Variants in ZNF451 observed in about 807,000 individuals in gnomAD.
ZNF451 encodes E3 SUMO-protein ligase ZNF451.
A neutral mutation model predicts 107.1 loss-of-function variants in ZNF451; 80 were observed. The ratio of observed to expected loss-of-function variants is 0.75; its 90% confidence interval spans 0.62 to 0.90. The LOEUF is 0.90. Ranked by LOEUF, ZNF451 falls within the 40% of genes least tolerant of loss-of-function variation. ZNF451 has a pLI of 0.00. For synonymous variants in ZNF451, 362 were observed against 406.5 expected (o/e 0.89, Z 1.32); for missense variants, 1,107 against 1,236.2 (o/e 0.90, Z 1.57).
intron 3 of ZNF451, chr6:57,106,097 A>C: frequency 4.1e-6 from 4 of 985,406 alleles, no homozygotes; most frequent in Non-Finnish European, 4.8e-6. Context: ...GACCTGATAC[A>C]TCCAGGATAA....
intron 2 of ZNF451, among the ~76,000 whole-genome samples, chr6:57,093,532 C>T (rs1239785887): frequency 2.0e-5 from 3 of 152,142 alleles, no homozygotes; most frequent in Non-Finnish European, 4.4e-5. Context: ...ATACATCCTA[C>T]CCTTAAGGGT....
intron 7 of ZNF451, among the ~76,000 whole-genome samples, chr6:57,136,565 G>T (rs973215464): frequency 4.6e-5 from 7 of 152,122 alleles, no homozygotes; most frequent in African/African-American, 1.7e-4. Flanking sequence ...CATGACAAAT[G>T]GAAGATTTGG....
At position 57,154,019 on chromosome 6, in the gene ZNF451, G is replaced by A. The variant is rs1317399885; in HGVS notation, c.3042G>A (p.Leu1014=). The A allele has an allele frequency of 2.5e-6, 4 of 1,614,144 alleles. No homozygotes were observed. In the South Asian group the frequency reaches 4.4e-5, roughly 18 times the overall value. ...TAGAGGGAGATATGATGTGTGCCTT[G>A]TTAAATAGCATATCTGATACCACCA... ...HHLEGDMMCA[L]LNSISDTTKE... is the part of the protein sequence containing the mutation. Residue 1014 remains leucine (L), a synonymous_variant, in exon 13 of 15, where the codon TTG becomes TTA. Coordinates refer to ENST00000370706, the MANE Select transcript of ZNF451 (RefSeq NM_001031623.3).
rs1314447094 is a variant in ZNF451, at chr6:57,147,162, A to AT, written c.1079dup (p.Leu360PhefsTer15). On this transcript the variant is annotated frameshift_variant, in exon 10 of 15. Coordinates refer to ENST00000370706, the MANE Select transcript of ZNF451 (RefSeq NM_001031623.3). LOFTEE classifies it high-confidence loss of function. Reference sequence around the variant, plus strand: ...TTACCCAGGTTGCAGAGAAATTCATATTAAGAGGTTATTGTCCAGATTGCA... The same window carrying AT: ...TTACCCAGGTTGCAGAGAAATTCATATTTAAGAGGTTATTGTCCAGATTGCA... 1 of 1,614,098 alleles carries AT rather than the reference A, an allele frequency of 6.2e-7. No homozygotes were observed. Among genetic ancestry groups the AT allele is most frequent in the Admixed American group, 1.7e-5 (1 of 60,022 alleles).
intron 3 of ZNF451, chr6:57,105,176 A>G (rs1046555179): frequency 6.1e-6 from 6 of 985,228 alleles, no homozygotes; most frequent in Non-Finnish European, 6.0e-6. Context: ...TACTAGGCCA[A>G]CCTCTAACGT....
At chr6:57,127,904 G>T (rs1345464971) in intron 4 of ZNF451, among the ~76,000 whole-genome samples, 1 of 152,124 alleles carries the variant, frequency 6.6e-6, no homozygotes, top group Non-Finnish European at 1.5e-5. Context: ...ATTGTCATTG[G>T]CCTGCTGCCT....
chr6:57,150,924 T>G, intron 11 of ZNF451, 62 bp downstream of exon 11: 1 of 1,585,720 alleles, frequency 6.3e-7, no homozygotes, highest in East Asian at 2.2e-5. Context: ...TAGTTCAGTT[T>G]AAAAGGCTCC....
intron 5 of ZNF451, 139 bp downstream of exon 5, chr6:57,128,979 G>C (rs1193533034): frequency 5.2e-6 from 3 of 573,874 alleles, no homozygotes; most frequent in Non-Finnish European, 8.9e-6. Context: ...ACCTCATAAT[G>C]GCCTACTTTA....
At chr6:57,107,013 T>C (rs750353583) in intron 3 of ZNF451, 175 of 941,864 alleles carry the variant, frequency 1.9e-4, no homozygotes, top group Non-Finnish European at 2.2e-4. Context: ...ATTAGTGGAA[T>C]ATTTTTTACT....
intron 3 of ZNF451, among the ~76,000 whole-genome samples, chr6:57,099,905 G>A (rs1325567430): frequency 3.9e-5 from 6 of 152,190 alleles, no homozygotes; most frequent in Non-Finnish European, 8.8e-5. Context: ...CAGAATACCT[G>A]GGTTTGAGTC....
intron 3 of ZNF451, among the ~76,000 whole-genome samples, chr6:57,120,146 C>T (rs896266529): frequency 6.6e-6 from 1 of 152,160 alleles, no homozygotes; most frequent in African/African-American, 2.4e-5. Flanking sequence ...TTGCCTTTTC[C>T]AGAATGTGAT....
intron 14 of ZNF451, among the ~76,000 whole-genome samples, chr6:57,162,617 A>G (rs1763717645): frequency 6.6e-6 from 1 of 152,252 alleles, no homozygotes; most frequent in African/African-American, 2.4e-5. Flanking sequence ...TAAGTTGTTT[A>G]TCAAGGCCAC....
At chr6:57,143,411 A>G (rs938841873) in intron 9 of ZNF451, among the ~76,000 whole-genome samples, 2 of 152,032 alleles carry the variant, frequency 1.3e-5, no homozygotes, top group Non-Finnish European at 2.9e-5. Flanking sequence ...TTCCCTGGCA[A>G]TTCTCTGTTG....
At chr6:57,167,480 T>G (rs186377423) in intron 14 of ZNF451, among the ~76,000 whole-genome samples, 20 of 152,320 alleles carry the variant, frequency 1.3e-4, no homozygotes, top group Non-Finnish European at 2.4e-4. Context: ...CCCTTTTAAT[T>G]CATCTTAAGG....
At chr6:57,136,371 A>C (rs1260949382) in intron 7 of ZNF451, among the ~76,000 whole-genome samples, 1 of 152,144 alleles carries the variant, frequency 6.6e-6, no homozygotes, top group African/African-American at 2.4e-5. Context: ...GTGGCATTAG[A>C]ATGGCAGTAT....
rs372356825 is a variant in ZNF451, at chr6:57,097,652, T to C, written c.106-1409T>C. Reference sequence around the variant, plus strand: ...CACATTTAACACTGACAGCTTTTTATTGAGGCAATATGATAGTTCAGTTTA... The same window carrying C: ...CACATTTAACACTGACAGCTTTTTACTGAGGCAATATGATAGTTCAGTTTA... On this transcript the variant is annotated intron_variant, in intron 2 of 14. Transcript: ENST00000370706. Among the ~76,000 whole-genome samples the C allele has an allele frequency of 7.2e-5, 11 of 152,326 alleles. No homozygotes were observed. The East Asian group carries it at 1.4e-3, about 19-fold the overall frequency.
chr6:57,147,488 T>C lies in ZNF451; in HGVS notation c.1403T>C (p.Val468Ala). Residue 468 changes from valine to alanine, a missense_variant, in exon 10 of 15, where the codon GTA becomes GCA. Around this residue, in one of 5 missense-constraint regions of ZNF451, gnomAD observed 608 missense variants for 649.2 expected, o/e 0.94. Coordinates refer to ENST00000370706, the MANE Select transcript of ZNF451 (RefSeq NM_001031623.3). ...GCTTGTGTCCAGAAAGAAAAATCAG[T>C]AGTTAAAACCTGGTTCTGTGAATGC... The part of the protein sequence containing the change: ...GVACVQKEKS[V>A]VKTWFCECNQ... 1 of 1,614,082 alleles carries C rather than the reference T, an allele frequency of 6.2e-7. No homozygotes were observed. The highest frequency in any genetic ancestry group is 1.1e-5 in the South Asian group (1 of 91,078).
chr6:57,151,983 G>A, intron 11 of ZNF451: 1 of 394,540 alleles, frequency 2.5e-6, no homozygotes, highest in African/African-American at 2.0e-5. Context: ...TTTTGATTTT[G>A]CCTAATATCC....
rs945558271 is a variant in ZNF451 at position 57,108,928 on chromosome 6, C to T, written c.186+9787C>T. On this transcript the variant is annotated intron_variant, in intron 3 of 14. Transcript: ENST00000370706. ...GCTTTAAATATGGACTTTTTCCAGT[C>T]TCAATTCAGCATTATACTAGGCTGC... The T allele has an allele frequency of 8.1e-6, 8 of 985,286 alleles. No homozygotes were observed. The African/African-American group carries it at 8.7e-5, about 11-fold the overall frequency. 61.0% of individuals were successfully genotyped at this position (985,286 alleles called of 1,614,324 possible).
Sources: gnomAD v4.1 joint callset for allele counts (sites outside exome capture counted in the v4.1 genomes callset) on GRCh38, gnomAD v4.1.1 for gene constraint, gnomAD v4.1.1 regional missense constraint, MANE v1.5 for transcripts, NCBI Gene and HGNC (gene_info 2026-07-23, HGNC 2026-07-21) for gene names.